The following XG variants were observed in gnomAD, a reference collection of about 807,000 sequenced individuals.
XG encodes the protein glycoprotein Xg.
Under a neutral mutation model 25.7 loss-of-function variants are expected in XG, and 24 were observed. The ratio of observed to expected loss-of-function variants is 0.93; its 90% CI spans 0.68 to 1.31. XG has a LOEUF of 1.31. Among genes scored for constraint, XG ranks in the 40% most tolerant of loss-of-function variants. The pLI, the probability that XG is intolerant of heterozygous loss-of-function variation, is 0.00. For missense variants in XG, 181 were observed against 187.6 expected, an observed-to-expected ratio of 0.96 and a Z score of 0.21; for synonymous variants, 77 against 69.2, an observed-to-expected ratio of 1.11 and a Z score of -0.56.
At chrX:2,774,164 C>A (rs1284791946) in intron 2 of XG, among the ~76,000 whole-genome samples, 1 of 152,154 alleles carries the variant, frequency 6.6e-6, no homozygotes, top group Non-Finnish European at 1.5e-5. Flanking sequence ...CCGACTCCAC[C>A]TCCTTTGAGC....
At chrX:2,805,830 C>G (rs1012581907) in intron 7 of XG, among the ~76,000 whole-genome samples, 11 of 111,473 alleles carry the variant, frequency 9.9e-5, no homozygotes, top group Non-Finnish European at 2.1e-4. Context: ...ACGTTGTGTT[C>G]AAATACAGTC....
intron 10 of XG, among the ~76,000 whole-genome samples, chrX:2,812,129 A>T (rs2087064137): frequency 9.0e-6 from 1 of 111,713 alleles, no homozygotes; most frequent in Admixed American, 9.5e-5. Flanking sequence ...GAGTCAGGAA[A>T]AATACCTGGG....
At chrX:2,766,095 T>A (rs1333829506) in intron 1 of XG, among the ~76,000 whole-genome samples, 3 of 152,090 alleles carry the variant, frequency 2.0e-5, no homozygotes, top group Admixed American at 6.5e-5. Flanking sequence ...ATGGCCTGAG[T>A]GGGGAAACCC....
chrX:2,778,387 T>A (rs1198291921), intron 3 of XG, among the ~76,000 whole-genome samples: 1 of 151,692 alleles, frequency 6.6e-6, no homozygotes, highest in Non-Finnish European at 1.5e-5. Context: ...TACAAAAAAA[T>A]TAAAAAAAAT....
chrX:2,788,474 A>G (rs2086805370), intron 4 of XG, among the ~76,000 whole-genome samples: 1 of 112,076 alleles, frequency 8.9e-6, no homozygotes, highest in Non-Finnish European at 1.9e-5. Flanking sequence ...CCAGATGACA[A>G]ATGGATTCTT....
intron 5 of XG, among the ~76,000 whole-genome samples, chrX:2,791,657 T>C (rs1603457629): frequency 9.1e-6 from 1 of 109,362 alleles, no homozygotes; most frequent in East Asian, 2.9e-4. Flanking sequence ...TTGATTCCTG[T>C]GAATTAGAAT....
intron 3 of XG, among the ~76,000 whole-genome samples, chrX:2,779,287 G>C (rs900858649): frequency 6.9e-6 from 1 of 145,774 alleles, no homozygotes; most frequent in Non-Finnish European, 1.5e-5. Context: ...AGTGAGCCGA[G>C]ATCCTGCCAT....
chrX:2,798,846 G>T (rs1248586727), intron 7 of XG, among the ~76,000 whole-genome samples: 3 of 109,438 alleles, frequency 2.7e-5, no homozygotes, highest in African/African-American at 1.0e-4. Context: ...TATGTGCCAA[G>T]AGCTCTGGTA....
At chrX:2,801,777 C>T (rs758770018) in intron 7 of XG, among the ~76,000 whole-genome samples, 163 of 110,601 alleles carry the variant, frequency 1.5e-3, no homozygotes, top group African/African-American at 5.0e-3. Context: ...GGCGTCATCT[C>T]GGCTCACTGC....
intron 1 of XG, among the ~76,000 whole-genome samples, chrX:2,753,420 C>T (rs2050373004): frequency 6.6e-6 from 1 of 152,132 alleles, no homozygotes; most frequent in African/African-American, 2.4e-5. Flanking sequence ...ACCATATCCC[C>T]TTGGGCAAAT....
At chrX:2,790,699 C>T (rs2086829248) in intron 5 of XG, among the ~76,000 whole-genome samples, 1 of 109,752 alleles carries the variant, frequency 9.1e-6, no homozygotes, top group African/African-American at 3.3e-5. Flanking sequence ...ACTGGGGAGG[C>T]TGAGGCAGGA....
chrX:2,799,380 G>T (rs1345570497), intron 7 of XG, among the ~76,000 whole-genome samples: 1 of 111,404 alleles, frequency 9.0e-6, no homozygotes, highest in Non-Finnish European at 1.9e-5. Flanking sequence ...CAGGAGACAG[G>T]TCTGTGGCCT....
At chrX:2,801,929 G>A (rs311193) in intron 7 of XG, among the ~76,000 whole-genome samples, 80 of 109,116 alleles carry the variant, frequency 7.3e-4, no homozygotes, top group Non-Finnish European at 1.3e-3. Flanking sequence ...GGATGATCTC[G>A]ATCTCCTGAC....
In XG at chrX:2,797,311, A is replaced by AGGT. The variant is rs2086894430; in HGVS notation, c.327_329dup (p.Gly113dup). 1.7e-6 allele frequency: 2 copies of AGGT among 1,194,601 alleles called. No individual in the cohort carries two copies. Among genetic ancestry groups the AGGT allele is most frequent in the Non-Finnish European group, 2.3e-6 (2 of 884,730 alleles). On this transcript the variant is annotated inframe_insertion and splice_region_variant, in exon 7 of 11. Coordinates refer to ENST00000644266, the MANE Select transcript of XG (RefSeq NM_001141919.2). ...AACTCTACCTTCTCTGTCTAACAGG[A>AGGT]GGTGGCGGCGGTGGCTACTCCAGTT...
intron 1 of XG, among the ~76,000 whole-genome samples, chrX:2,762,666 G>GC (rs757328821): frequency 1.1e-4 from 16 of 152,130 alleles, no homozygotes; most frequent in Non-Finnish European, 2.4e-4. Context: ...TGGCAAACAA[G>GC]CCCCCCGGGA....
intron 1 of XG, among the ~76,000 whole-genome samples, chrX:2,760,914 C>G (rs933859695): frequency 6.6e-6 from 1 of 152,024 alleles, no homozygotes; most frequent in African/African-American, 2.4e-5. Flanking sequence ...GGAGAGAGGT[C>G]TCAGTAGGAA....
chrX:2,752,626 G>C (rs1188277147), intron 1 of XG, among the ~76,000 whole-genome samples: 1 of 152,128 alleles, frequency 6.6e-6, no homozygotes, highest in Admixed American at 6.5e-5. Context: ...TTTAAAAAAT[G>C]ACCTATTTAA....
intron 3 of XG, among the ~76,000 whole-genome samples, chrX:2,779,573 A>T (rs2051075101): frequency 6.6e-6 from 1 of 152,122 alleles, no homozygotes; most frequent in South Asian, 2.1e-4. Flanking sequence ...CAGACACCAA[A>T]ATCCACAGCT....
At chrX:2,791,322 G>A (rs1245404720) in intron 5 of XG, among the ~76,000 whole-genome samples, 3 of 111,462 alleles carry the variant, frequency 2.7e-5, no homozygotes, top group African/African-American at 9.8e-5. Context: ...TTAACCATTG[G>A]GAGTTCCCCT....
Sources: gnomAD v4.1 joint callset for allele counts (sites outside exome capture counted in the v4.1 genomes callset) on GRCh38, gnomAD v4.1.1 for gene constraint, MANE v1.5 for transcripts, NCBI Gene and HGNC (gene_info 2026-07-23, HGNC 2026-07-21) for gene names.